The following MBNL3 variants were observed in gnomAD, a reference collection of about 807,000 sequenced individuals.
MBNL3 encodes the protein muscleblind like splicing regulator 3.
A neutral mutation model predicts 24.5 loss-of-function variants in MBNL3; 6 were observed. That is an observed-to-expected ratio of 0.25 (90% CI 0.13 to 0.48). The LOEUF is 0.48. MBNL3 is among the 20% of genes least tolerant of loss of function. MBNL3 has a pLI of 0.99. For synonymous variants in MBNL3, 100 were observed against 101.7 expected, an observed-to-expected ratio of 0.98 and a Z score of 0.10; for missense variants, 230 against 293.5, an observed-to-expected ratio of 0.78 and a Z score of 1.58.
chrX:132,402,716 A>G (rs1463761688), intron 3 of MBNL3, among the ~76,000 whole-genome samples: 1 of 112,025 alleles, frequency 8.9e-6, no homozygotes, highest in Non-Finnish European at 1.9e-5. Flanking sequence ...TGTTTAATAG[A>G]GTGAACAAAC....
At position 132,369,547 on chromosome X, in the gene MBNL3, C is replaced by A. The variant is rs1351588844; in HGVS notation, c.*10119G>T. On this transcript the variant is annotated 3_prime_UTR_variant, in exon 9 of 9. Transcript: ENST00000370853. ...CCTCTTCTTGAAAACTACATTGAAC[C>A]TCTATGGGTTAATCATCGTCTTCTG... is the stretch of plus-strand genomic sequence containing the variant. The A allele has an allele frequency of 9.0e-6, 1 of 111,177 alleles. No homozygotes were observed. The highest frequency in any genetic ancestry group is 1.9e-5 in the Non-Finnish European group (1 of 53,010). 9.2% of individuals were successfully genotyped at this position (111,177 alleles called of 1,213,427 possible).
At chrX:132,406,189 A>T in intron 3 of MBNL3, 39 bp downstream of exon 3, 1 of 1,204,144 alleles carries the variant, frequency 8.3e-7, no homozygotes, top group African/African-American at 1.7e-5. Context: ...TCCACTGTTG[A>T]TCTTTATCGG....
At chrX:132,409,263 G>A (rs776648236) in intron 2 of MBNL3, among the ~76,000 whole-genome samples, 2 of 112,136 alleles carry the variant, frequency 1.8e-5, no homozygotes, top group South Asian at 7.4e-4. Context: ...TTTTACATCT[G>A]TTAACACTTG....
At chrX:132,466,449 G>A (rs1406735279) in intron 1 of MBNL3, among the ~76,000 whole-genome samples, 1 of 112,193 alleles carries the variant, frequency 8.9e-6, no homozygotes, top group African/African-American at 3.2e-5. Flanking sequence ...AATTTCTGTG[G>A]TTTGCAAAGT....
At chrX:132,483,358 G>T (rs1218619354) in intron 1 of MBNL3, among the ~76,000 whole-genome samples, 1 of 111,674 alleles carries the variant, frequency 9.0e-6, no homozygotes, top group Non-Finnish European at 1.9e-5. Flanking sequence ...ATGGAACTCA[G>T]AAAAACCAGT....
upstream of MBNL3, chrX:132,489,966 G>T (rs1948210541): frequency 1.8e-5 from 2 of 112,352 alleles, no homozygotes; most frequent in Admixed American, 1.8e-4. Flanking sequence ...CGGAGTGCGG[G>T]CACTTTCTTC....
At chrX:132,443,984 T>TACCCCCC (rs1945536683) in intron 1 of MBNL3, among the ~76,000 whole-genome samples, 1 of 6,149 alleles carries the variant, frequency 1.6e-4, no homozygotes, top group Non-Finnish European at 2.8e-4. Context: ...GACTCCAGAG[T>TACCCCCC]CCGCCCCCCC....
chrX:132,466,321 G>GCA (rs1946881322), intron 1 of MBNL3, among the ~76,000 whole-genome samples: 1 of 111,834 alleles, frequency 8.9e-6, no homozygotes, highest in Admixed American at 9.5e-5. Context: ...TGTGTTTTTG[G>GCA]TGTCTTCATT....
rs1332971441 is a variant in MBNL3 at position 132,419,371 on chromosome X, C to G, written c.178-12979G>C. Among the ~76,000 whole-genome samples, 4 of 111,605 alleles carry G rather than the reference C, an allele frequency of 3.6e-5. No individual in the cohort carries two copies. The East Asian group carries it at 1.1e-3, about 31-fold the overall frequency. ...GAACTTCATGACTATCATCACCTCC[C>G]TAAGAGAAGAATCTTTTAAAAACAC... On this transcript the variant is annotated intron_variant, in intron 2 of 8. Coordinates refer to ENST00000370853, the MANE Select transcript of MBNL3 (RefSeq NM_001386889.1).
intron 1 of MBNL3, among the ~76,000 whole-genome samples, chrX:132,463,577 C>T (rs747390492): frequency 8.9e-6 from 1 of 112,173 alleles, no homozygotes; most frequent in Non-Finnish European, 1.9e-5. Context: ...TATCCACACA[C>T]GGCAAGCCCA....
intron 1 of MBNL3, among the ~76,000 whole-genome samples, chrX:132,485,618 G>C (rs1947968714): frequency 8.9e-6 from 1 of 111,752 alleles, no homozygotes; most frequent in East Asian, 2.8e-4. Context: ...GGAACCATCT[G>C]GTATCCTTAA....
chrX:132,418,568 TG>T (rs1943509400), intron 2 of MBNL3, among the ~76,000 whole-genome samples: 1 of 111,928 alleles, frequency 8.9e-6, no homozygotes, highest in Non-Finnish European at 1.9e-5. Context: ...TTATACTGTC[TG>T]GGCCACACTT....
At chrX:132,396,490 ATATATATTCC>A (rs1938561544) in intron 3 of MBNL3, among the ~76,000 whole-genome samples, 1 of 71,147 alleles carries the variant, frequency 1.4e-5, no homozygotes, top group African/African-American at 6.2e-5. Context: ...ATATATTCCT[ATATATATTCC>A]TATATATATT....
intron 2 of MBNL3, among the ~76,000 whole-genome samples, chrX:132,438,107 A>C (rs1432354462): frequency 8.9e-6 from 1 of 112,380 alleles, no homozygotes; most frequent in Non-Finnish European, 1.9e-5. Flanking sequence ...TGGGTGGCTG[A>C]GATAATGACG....
intron 2 of MBNL3, among the ~76,000 whole-genome samples, chrX:132,436,435 G>A (rs1335177800): frequency 8.9e-6 from 1 of 111,795 alleles, no homozygotes; most frequent in African/African-American, 3.2e-5. Context: ...CTGTTATTAA[G>A]GCAATAACCA....
intron 1 of MBNL3, among the ~76,000 whole-genome samples, chrX:132,477,430 T>G (rs762210985): frequency 3.6e-5 from 4 of 112,036 alleles, no homozygotes; most frequent in African/African-American, 1.3e-4. Flanking sequence ...AGTCTCAAAG[T>G]TGAGGAAGCA....
At chrX:132,391,259 AACAG>A (rs1428407501) in intron 4 of MBNL3, among the ~76,000 whole-genome samples, 176 bp from the exon 5 acceptor site, 1 of 112,225 alleles carries the variant, frequency 8.9e-6, no homozygotes, top group Non-Finnish European at 1.9e-5. Flanking sequence ...ATGAGATATA[AACAG>A]ACAGAATTTC....
At chrX:132,427,445 A>C (rs1341225182) in intron 2 of MBNL3, among the ~76,000 whole-genome samples, 1 of 111,936 alleles carries the variant, frequency 8.9e-6, no homozygotes, top group Non-Finnish European at 1.9e-5. Flanking sequence ...GCTGGAAAAA[A>C]TTAAGTTTGT....
chrX:132,442,446 CT>C (rs1945434851), intron 1 of MBNL3, among the ~76,000 whole-genome samples: 1 of 111,681 alleles, frequency 9.0e-6, no homozygotes, highest in Non-Finnish European at 1.9e-5. Context: ...CTGTAACTGA[CT>C]TAATGTATTA....
Sources: allele counts gnomAD v4.1 joint callset (sites outside exome capture counted in the v4.1 genomes callset), GRCh38; gene constraint gnomAD v4.1.1; transcripts MANE v1.5; gene names NCBI Gene and HGNC (gene_info 2026-07-23, HGNC 2026-07-21).